WDR27: variants seen among roughly 807,000 people sequenced by gnomAD.
WDR27 encodes the protein WD repeat-containing protein 27.
WDR27 carries 100 observed loss-of-function variants against 114.4 expected under a neutral mutation model. The ratio of observed to expected loss-of-function variants is 0.87; its 90% CI spans 0.74 to 1.03. The LOEUF (loss-of-function observed/expected upper bound fraction) is 1.03. WDR27 is among the 50% of genes least tolerant of loss of function. WDR27 has a pLI of 0.00. For synonymous variants in WDR27, 449 were observed against 423.1 expected (o/e 1.06, Z -0.75); for missense variants, 1,129 against 1,092.9 (o/e 1.03, Z -0.47).
At chr6:169,461,711 G>C (rs1286567062) in intron 25 of WDR27, among the ~76,000 whole-genome samples, 2 of 145,912 alleles carry the variant, frequency 1.4e-5, no homozygotes, top group African/African-American at 5.0e-5. Flanking sequence ...GCAAAGTAGA[G>C]AAAGAACAAC....
chr6:169,525,254 C>T (rs766627604), intron 25 of WDR27, among the ~76,000 whole-genome samples: 3 of 151,998 alleles, frequency 2.0e-5, no homozygotes, highest in Admixed American at 6.6e-5. Flanking sequence ...ATGCTTTTAT[C>T]GGCCAGGCGT....
intron 25 of WDR27, among the ~76,000 whole-genome samples, chr6:169,504,371 G>C (rs1013146930): frequency 1.3e-5 from 2 of 152,110 alleles, no homozygotes; most frequent in African/African-American, 4.8e-5. Flanking sequence ...GAATCATGGG[G>C]GCGGTTTCCT....
intron 25 of WDR27, among the ~76,000 whole-genome samples, chr6:169,518,873 C>T (rs887208108): frequency 5.3e-5 from 8 of 152,192 alleles, no homozygotes; most frequent in South Asian, 2.1e-4. Flanking sequence ...TCTCTGCTCC[C>T]GCATCTGACC....
Position 169,575,050 on chromosome 6 carries a change from C to T in WDR27, c.2524-2510G>A, listed in dbSNP as rs544107635. Among the ~76,000 whole-genome samples, 14 of 152,178 alleles carry T rather than the reference C, an allele frequency of 9.2e-5. No homozygotes were observed. In the East Asian group the frequency reaches 2.5e-3, roughly 27 times the overall value. On this transcript the variant is annotated intron_variant, in intron 24 of 25. Coordinates refer to ENST00000448612, the MANE Select transcript of WDR27 (RefSeq NM_182552.5). ...CCTTGGGCTGGGACTTAAACCAGTA[C>T]CCCCCAATTCTTCCCCCATTCTCAG...
At chr6:169,624,439 G>C (rs904815409) in intron 21 of WDR27, among the ~76,000 whole-genome samples, 4 of 152,102 alleles carry the variant, frequency 2.6e-5, no homozygotes, top group African/African-American at 9.7e-5. Context: ...TCTCAAGCTC[G>C]AGTGACTTAG....
intron 7 of WDR27, 24 bp downstream of exon 7, chr6:169,665,462 A>T: frequency 6.2e-7 from 1 of 1,607,488 alleles, no homozygotes; most frequent in Non-Finnish European, 8.5e-7. Flanking sequence ...TGGGAACTGG[A>T]ACTTAACTCT....
intron 25 of WDR27, among the ~76,000 whole-genome samples, chr6:169,464,479 T>C (rs1420281412): frequency 6.6e-6 from 1 of 152,144 alleles, no homozygotes; most frequent in African/African-American, 2.4e-5. Context: ...TTGGCAATGA[T>C]CTATTGGATA....
intron 7 of WDR27, 193 bp downstream of exon 7, chr6:169,665,293 C>T: frequency 2.2e-6 from 3 of 1,355,934 alleles, no homozygotes; most frequent in Non-Finnish European, 2.8e-6. Context: ...CCTCCGCAGA[C>T]CAGGGGGCCC....
intron 15 of WDR27, among the ~76,000 whole-genome samples, chr6:169,648,827 C>G (rs1167294478): frequency 6.6e-6 from 1 of 152,248 alleles, no homozygotes; most frequent in African/African-American, 2.4e-5. Flanking sequence ...CAGGTGCCCT[C>G]CCCAATGGCG....
At chr6:169,441,084 T>C in the WDR27 span, among the ~76,000 whole-genome samples, 77 of 152,264 alleles carry the variant, frequency 5.1e-4, 1 homozygote, top group Non-Finnish European at 7.9e-4. Context: ...GCCAAATACT[T>C]TGAGATTATT....
intron 25 of WDR27, among the ~76,000 whole-genome samples, chr6:169,539,112 G>C (rs1796535680): frequency 6.6e-6 from 1 of 152,162 alleles, no homozygotes; most frequent in Admixed American, 6.5e-5. Flanking sequence ...GTCCTTTCAT[G>C]GTTTACATGC....
chr6:169,652,678 C>T (rs1001397389), intron 13 of WDR27, among the ~76,000 whole-genome samples: 2 of 152,204 alleles, frequency 1.3e-5, no homozygotes, highest in African/African-American at 4.8e-5. Flanking sequence ...GTAAATGAAA[C>T]ATATCCATTA....
intron 21 of WDR27, among the ~76,000 whole-genome samples, chr6:169,630,267 T>C (rs1486400903): frequency 6.6e-6 from 1 of 152,234 alleles, no homozygotes; most frequent in Non-Finnish European, 1.5e-5. Context: ...GACGAGTCTT[T>C]TTAAGAAACC....
At chr6:169,649,928 A>T (rs1382486844) in intron 14 of WDR27, among the ~76,000 whole-genome samples, 2 of 116,904 alleles carry the variant, frequency 1.7e-5, no homozygotes, top group African/African-American at 3.4e-5. Context: ...CCATGCAGCC[A>T]TCCCTCACCT....
intron 1 of WDR27, among the ~76,000 whole-genome samples, chr6:169,690,958 G>A (rs1784341130): frequency 6.6e-6 from 1 of 152,222 alleles, no homozygotes; most frequent in Non-Finnish European, 1.5e-5. Context: ...GCTCACGCCT[G>A]TAATCCCAGC....
intron 25 of WDR27, among the ~76,000 whole-genome samples, chr6:169,531,807 CCAT>C (rs1419046808): frequency 1.2e-4 from 19 of 152,246 alleles, no homozygotes; most frequent in African/African-American, 4.3e-4. Flanking sequence ...GCACCCACCA[CCAT>C]GCCTGGCTAA....
chr6:169,658,132 G>A, intron 13 of WDR27, 144 bp downstream of exon 13: 1 of 676,598 alleles, frequency 1.5e-6, no homozygotes, highest in Non-Finnish European at 2.6e-6. Context: ...CGCACGAGAG[G>A]CAGAGACATG....
At chr6:169,683,612 A>C (rs1253953369) in intron 2 of WDR27, among the ~76,000 whole-genome samples, 3 of 152,168 alleles carry the variant, frequency 2.0e-5, no homozygotes, top group Non-Finnish European at 2.9e-5. Context: ...CAGCAGGGGA[A>C]GTGATGATGC....
rs766146529 is a variant in WDR27 at position 169,665,504 on chromosome 6, G to A, written c.765C>T (p.Thr255=). The A allele has an allele frequency of 1.5e-5, 24 of 1,613,520 alleles. No homozygotes were observed. In the Admixed American group the frequency reaches 1.5e-4, roughly 10 times the overall value. Residue 255 remains threonine, a synonymous_variant, in exon 7 of 26, where the codon ACC becomes ACT. Coordinates refer to ENST00000448612, the MANE Select transcript of WDR27 (RefSeq NM_182552.5). ...FIDAESRQLV[T]GCADGQLWIF... ...GTCTCACCTGGCCGTCAGCACACCC[G>A]GTGACCAGCTGCCTGCTTTCTGCAT... is the stretch of plus-strand genomic sequence containing the variant.
Sources: allele counts gnomAD v4.1 joint callset (sites outside exome capture counted in the v4.1 genomes callset), GRCh38; gene constraint gnomAD v4.1.1; transcripts MANE v1.5; gene names NCBI Gene and HGNC (gene_info 2026-07-23, HGNC 2026-07-21).